The following MLH3 variants were observed in gnomAD, a reference collection of about 807,000 sequenced individuals.
MLH3 encodes mutL homolog 3, also known as DNA mismatch repair protein Mlh3.
MLH3 carries 82 observed loss-of-function variants against 122.2 expected under a neutral mutation model. The observed-to-expected ratio is 0.67, with a 90% CI of 0.56 to 0.81. The LOEUF (loss-of-function observed/expected upper bound fraction) is 0.81, where lower values mean the gene tolerates loss of function less well. MLH3 is among the 30% of genes least tolerant of loss of function. The pLI, the probability that MLH3 is intolerant of heterozygous loss-of-function variation, is 0.00. For synonymous variants in MLH3, 524 were observed against 599.5 expected, an observed-to-expected ratio of 0.87 and a Z score of 1.84; for missense variants, 1,539 against 1,714.5, an observed-to-expected ratio of 0.90 and a Z score of 1.81.
At chr14:75,044,040 G>T (rs999516003) in intron 2 of MLH3, among the ~76,000 whole-genome samples, 2 of 151,904 alleles carry the variant, frequency 1.3e-5, no homozygotes, top group African/African-American at 4.8e-5. Flanking sequence ...AGTGAGCCGA[G>T]ATCGCACCAT....
intron 11 of MLH3, among the ~76,000 whole-genome samples, chr14:75,022,253 A>G (rs191284248): frequency 5.6e-4 from 86 of 152,274 alleles, no homozygotes; most frequent in Non-Finnish European, 8.1e-4. Flanking sequence ...TGTACACCAA[A>G]CCCCTGCGAC....
Position 75,047,241 on chromosome 14 carries a change from T to C in MLH3, c.2415A>G (p.Lys805=), listed in dbSNP as rs1447884112. Reference sequence around the variant, plus strand: ...AATCACTATGCTCCATAGTAGTGATTTTACAAACATCAGAGTTCTCTAAGC... The same window carrying C: ...AATCACTATGCTCCATAGTAGTGATCTTACAAACATCAGAGTTCTCTAAGC... The part of the protein sequence containing the change: ...KNRLENSDVC[K]ITTMEHSDSD... Residue 805 remains lysine, a synonymous_variant, in exon 2 of 13, where the codon AAA becomes AAG. Coordinates refer to ENST00000355774, the MANE Select transcript of MLH3 (RefSeq NM_001040108.2). 3 of 1,614,026 alleles carry C rather than the reference T, an allele frequency of 1.9e-6. No individual in the cohort carries two copies. The highest frequency in any genetic ancestry group is 2.5e-6 in the Non-Finnish European group (3 of 1,180,022).
In MLH3 at chr14:75,046,670, C is replaced by G; in HGVS notation, c.2986G>C (p.Gly996Arg). Residue 996 changes from glycine to arginine, a missense_variant, in exon 2 of 13, where the codon GGA becomes CGA. By Grantham distance (125) the Gly-to-Arg change is moderately radical. Transcript: ENST00000355774. ...ATTCCACTGGGAGAGTCAAGACTTC[C>G]TATCTGTTGTTCTGAGGCTCTGATA... ...VLIRASEQQIGSLDSPSGMLM... is the reference protein window; with the variant it reads ...VLIRASEQQIRSLDSPSGMLM... The G allele has an allele frequency of 6.2e-7, 1 of 1,614,190 alleles. No homozygotes were observed. Among genetic ancestry groups the G allele is most frequent in the African/African-American group, 1.3e-5 (1 of 75,048 alleles).
rs1029642580 is a variant in MLH3, at chr14:75,048,573, A to C, written c.1083T>G (p.Asp361Glu). The C allele has an allele frequency of 5.0e-6, 8 of 1,613,886 alleles. No homozygotes were observed. The highest frequency in any genetic ancestry group is 1.7e-5 in the Admixed American group (1 of 59,992). The change falls in exon 2 of 13, where the codon GAT becomes GAG. Residue 361 changes from aspartate to glutamate, a missense_variant. Asp to Glu is a conservative substitution (Grantham distance 45). Transcript: ENST00000355774. Reference sequence around the variant, plus strand: ...CATTATCTTCACTAAATTCCTTAATATCCTCACCTGATAATTCCACAAATA... The same window carrying C: ...CATTATCTTCACTAAATTCCTTAATCTCCTCACCTGATAATTCCACAAATA... ...EKLFVELSGE[D>E]IKEFSEDNGF... is the part of the protein sequence containing the mutation.
At chr14:75,037,647 A>G (rs1438038096) in intron 6 of MLH3, among the ~76,000 whole-genome samples, 1 of 152,164 alleles carries the variant, frequency 6.6e-6, no homozygotes, top group Non-Finnish European at 1.5e-5. Flanking sequence ...AAACAATAGA[A>G]AATATTTAAA....
Position 75,022,908 on chromosome 14 carries a change from G to A in MLH3, c.4012-16C>T, listed in dbSNP as rs45498895. On this transcript the variant is annotated splice_polypyrimidine_tract_variant and intron_variant, in intron 10 of 12. Transcript: ENST00000355774. ...TCTGGAGTAGCTAATGCATAAACAC[G>A]TTATTAACAGGAAAAGAAAACGGAA... 28 of 1,613,844 alleles carry A rather than the reference G, an allele frequency of 1.7e-5. No homozygotes were observed. The highest frequency in any genetic ancestry group is 1.3e-4 in the Admixed American group (8 of 60,010).
chr14:75,025,466 C>T (rs558857488), intron 9 of MLH3, among the ~76,000 whole-genome samples: 6 of 151,852 alleles, frequency 4.0e-5, no homozygotes, highest in Non-Finnish European at 8.8e-5. Context: ...CCTGGTTTTC[C>T]TCCTCCCTCT....
intron 9 of MLH3, among the ~76,000 whole-genome samples, chr14:75,028,938 CAGG>C (rs1454135449): frequency 6.6e-6 from 1 of 150,976 alleles, no homozygotes; most frequent in African/African-American, 2.4e-5. Context: ...CATTTGAGGT[CAGG>C]AGTTCAATAC....
At chr14:75,043,782 T>A (rs2139518579) in intron 2 of MLH3, among the ~76,000 whole-genome samples, 1 of 152,308 alleles carries the variant, frequency 6.6e-6, no homozygotes, top group East Asian at 1.9e-4. Flanking sequence ...CCTTTATAGA[T>A]CCTCCTTCTG....
intron 11 of MLH3, 153 bp from the exon 12 acceptor site, chr14:75,019,133 C>T (rs1019787704): frequency 5.6e-6 from 4 of 720,398 alleles, no homozygotes; most frequent in African/African-American, 3.5e-5. Flanking sequence ...GCTTATAGGC[C>T]GGGCATGGTG....
chr14:75,022,035 T>C (rs1483177452), intron 11 of MLH3, among the ~76,000 whole-genome samples: 3 of 146,272 alleles, frequency 2.1e-5, no homozygotes, highest in African/African-American at 5.3e-5. Flanking sequence ...TGCAAAAACA[T>C]AGAGCTAGAG....
chr14:75,018,803 C>G, intron 12 of MLH3, 26 bp downstream of exon 12: 5 of 1,613,262 alleles, frequency 3.1e-6, no homozygotes, highest in Non-Finnish European at 4.2e-6. Flanking sequence ...TTTGCTCCCT[C>G]CTGCTCCTGT....
chr14:75,018,777 G>A, intron 12 of MLH3, 52 bp downstream of exon 12: 1 of 1,594,208 alleles, frequency 6.3e-7, no homozygotes, highest in African/African-American at 1.3e-5. Flanking sequence ...AGCCAGAAAA[G>A]AAAGAGAAAA....
chr14:75,021,999 A>G (rs1195996285), intron 11 of MLH3, among the ~76,000 whole-genome samples: 1 of 152,204 alleles, frequency 6.6e-6, no homozygotes, highest in Non-Finnish European at 1.5e-5. Flanking sequence ...CTATGTCGCC[A>G]TAAAAAAGAA....
rs752498783 is a variant in MLH3, at chr14:75,049,524, C to T, written c.132G>A (p.Arg44=). 3.7e-6 allele frequency: 6 copies of T among 1,614,026 alleles called. No homozygotes were observed. The African/African-American group carries it at 6.7e-5, about 18-fold the overall frequency. ...IDAEAKCVAV[R]VNMETFQVQV... ...GAACTTGGAAGGTTTCCATATTCAC[C>T]CTGACAGCCACACATTTTGCTTCAG... The change falls in exon 2 of 13, where the codon AGG becomes AGA. Residue 44 remains arginine, a synonymous_variant. Coordinates refer to ENST00000355774, the MANE Select transcript of MLH3 (RefSeq NM_001040108.2).
Position 75,018,846 on chromosome 14 carries a change from A to G in MLH3, c.4225T>C (p.Leu1409=). Reference sequence around the variant, plus strand: ...TAATGTACCTGTTTTTCCTGTTCCAAGTGGTCTATGTCAGCTAACGGCAGC... The same window carrying G: ...TAATGTACCTGTTTTTCCTGTTCCAGGTGGTCTATGTCAGCTAACGGCAGC... ...SMLPLADIDH[L]EQEKQIKPNL... Residue 1409 remains leucine (L), a synonymous_variant, in exon 12 of 13, where the codon TTG becomes CTG. Transcript: ENST00000355774. 1 of 1,614,152 alleles carries G rather than the reference A, an allele frequency of 6.2e-7. No individual in the cohort carries two copies. The highest frequency in any genetic ancestry group is 8.5e-7 in the Non-Finnish European group (1 of 1,180,020).
rs1892304501 is a variant in MLH3 at position 75,047,234 on chromosome 14, T to C, written c.2422A>G (p.Thr808Ala). ...CTATCTGAATCACTATGCTCCATAG[T>C]AGTGATTTTACAAACATCAGAGTTC... ...LENSDVCKIT[T>A]MEHSDSDSSC... The change falls in exon 2 of 13, where the codon ACT becomes GCT. Residue 808 changes from threonine (T) to alanine (A), a missense_variant. By Grantham distance (58) the Thr-to-Ala change is moderately conservative. Transcript: ENST00000355774. 1 of 1,614,168 alleles carries C rather than the reference T, an allele frequency of 6.2e-7. No individual in the cohort carries two copies.
At chr14:75,033,100 C>G (rs937985645) in intron 7 of MLH3, among the ~76,000 whole-genome samples, 1 of 152,000 alleles carries the variant, frequency 6.6e-6, no homozygotes, top group South Asian at 2.1e-4. Context: ...GAAGGCATGC[C>G]AAGATCACCG....
rs1343784345 is a variant in MLH3 at position 75,014,605 on chromosome 14, C to G, written c.*2477G>C. The G allele has an allele frequency of 4.9e-6, 1 of 203,830 alleles. No individual in the cohort carries two copies. The highest frequency in any genetic ancestry group is 2.3e-5 in the African/African-American group (1 of 43,716). The allele number at this position is 203,830 out of a possible 1,614,324, so 12.6% of individuals were successfully genotyped here. On this transcript the variant is annotated 3_prime_UTR_variant, in exon 13 of 13. Transcript: ENST00000355774. The stretch of plus-strand genomic sequence containing the variant: ...TTTCTCAGTGACTAAAGCTAAGCCT[C>G]TTGAAGGTAGAGACAGCCATAGGAA...
Sources: allele counts gnomAD v4.1 joint callset (sites outside exome capture counted in the v4.1 genomes callset), GRCh38; gene constraint gnomAD v4.1.1; transcripts MANE v1.5; gene names NCBI Gene and HGNC (gene_info 2026-07-23, HGNC 2026-07-21).